CTNNA3: variants seen among roughly 807,000 people sequenced by gnomAD.
The protein encoded by CTNNA3 is catenin alpha 3, also known as catenin alpha-3.
Under a neutral mutation model 95.7 loss-of-function variants are expected in CTNNA3, and 76 were observed. The observed-to-expected ratio is 0.79, with a 90% confidence interval of 0.66 to 0.96. CTNNA3 has a LOEUF of 0.96. Ranked by LOEUF, CTNNA3 falls within the 40% of genes least tolerant of loss-of-function variation. The pLI is 0.00. For synonymous variants in CTNNA3, 431 were observed against 374.4 expected, an observed-to-expected ratio of 1.15 and a Z score of -1.74; for missense variants, 1,191 against 1,089.8, an observed-to-expected ratio of 1.09 and a Z score of -1.31.
chr10:66,990,716 T>C (rs1387852662), intron 7 of CTNNA3, among the ~76,000 whole-genome samples: 3 of 152,222 alleles, frequency 2.0e-5, no homozygotes, highest in Admixed American at 2.0e-4. Flanking sequence ...ACATTGAACC[T>C]GTTGAGATTC....
intron 5 of CTNNA3, among the ~76,000 whole-genome samples, chr10:67,455,117 T>C (rs1847123365): frequency 1.3e-5 from 2 of 152,178 alleles, no homozygotes; most frequent in African/African-American, 4.8e-5. Context: ...GATGATTCGA[T>C]TGTACTTTCT....
At chr10:67,595,303 A>G (rs1298644568) in intron 3 of CTNNA3, among the ~76,000 whole-genome samples, 1 of 152,112 alleles carries the variant, frequency 6.6e-6, no homozygotes, top group East Asian at 1.9e-4. Flanking sequence ...ACACTGCTTT[A>G]GCTGTGTCCC....
In CTNNA3 at chr10:67,612,747, C is replaced by G. The variant is rs553658507; in HGVS notation, c.100-5698G>C. On this transcript the variant is annotated intron_variant, in intron 2 of 17. Coordinates refer to ENST00000433211, the MANE Select transcript of CTNNA3 (RefSeq NM_013266.4). ...TACCTCAGTGGCTAACACCTCTAACCTGAAGCAGAAACCCAGAGGTCATCT... is the reference window on the plus strand; with the variant it reads ...TACCTCAGTGGCTAACACCTCTAACGTGAAGCAGAAACCCAGAGGTCATCT... Among the ~76,000 whole-genome samples the G allele has an allele frequency of 7.9e-5, 12 of 152,284 alleles. No homozygotes were observed. The East Asian group carries it at 1.9e-3, about 25-fold the overall frequency.
intron 13 of CTNNA3, among the ~76,000 whole-genome samples, chr10:66,222,541 A>G (rs1234082535): frequency 6.6e-6 from 1 of 151,878 alleles, no homozygotes; most frequent in African/African-American, 2.4e-5. Flanking sequence ...AGGGAGAGAA[A>G]GAAGAAAATA....
chr10:66,459,495 A>G (rs1198472022), intron 11 of CTNNA3, among the ~76,000 whole-genome samples: 1 of 152,164 alleles, frequency 6.6e-6, no homozygotes, highest in Non-Finnish European at 1.5e-5. Context: ...CACTGGCAAT[A>G]CCCAAGGGTT....
intron 5 of CTNNA3, among the ~76,000 whole-genome samples, chr10:67,399,727 C>T (rs946327267): frequency 6.6e-6 from 1 of 152,094 alleles, no homozygotes; most frequent in Non-Finnish European, 1.5e-5. Flanking sequence ...AGGTACTTAC[C>T]AAAGTTTGTC....
intron 7 of CTNNA3, among the ~76,000 whole-genome samples, chr10:67,113,932 A>C (rs1201510432): frequency 6.6e-6 from 1 of 152,062 alleles, no homozygotes. Flanking sequence ...TTTTTTAAAA[A>C]ATTAGCTGGG....
chr10:66,931,192 T>TTA (rs33993298), intron 7 of CTNNA3, among the ~76,000 whole-genome samples: 27 of 118,676 alleles, frequency 2.3e-4, no homozygotes, highest in African/African-American at 8.7e-4. Flanking sequence ...TGACAACAGT[T>TTA]AAAAAAAAAA....
At chr10:67,014,392 C>G (rs1327511486) in intron 7 of CTNNA3, among the ~76,000 whole-genome samples, 1 of 152,116 alleles carries the variant, frequency 6.6e-6, no homozygotes, top group Non-Finnish European at 1.5e-5. Context: ...AATTGTATAA[C>G]CTGTGAGATT....
chr10:67,679,634 T>C (rs1358578214), intron 1 of CTNNA3, among the ~76,000 whole-genome samples: 3 of 152,236 alleles, frequency 2.0e-5, no homozygotes, highest in Non-Finnish European at 4.4e-5. Context: ...GAGCCACTCA[T>C]AGTAAACTAA....
intron 15 of CTNNA3, among the ~76,000 whole-genome samples, chr10:66,048,571 T>A (rs2079879243): frequency 6.6e-6 from 1 of 152,020 alleles, no homozygotes; most frequent in Admixed American, 6.6e-5. Flanking sequence ...CCATCCTGGC[T>A]AACACGGCGA....
chr10:67,747,305 T>G (rs1371209165), intron 1 of CTNNA3, among the ~76,000 whole-genome samples: 1 of 152,204 alleles, frequency 6.6e-6, no homozygotes, highest in Non-Finnish European at 1.5e-5. Flanking sequence ...AAGTGGGTCC[T>G]GGATCCCATG....
intron 13 of CTNNA3, among the ~76,000 whole-genome samples, chr10:66,269,749 T>C (rs2132126006): frequency 6.6e-6 from 1 of 152,286 alleles, no homozygotes; most frequent in African/African-American, 2.4e-5. Context: ...GATCTTTTTT[T>C]CCCATAACCC....
At chr10:67,602,256 AT>A (rs1843107068) in intron 3 of CTNNA3, among the ~76,000 whole-genome samples, 1 of 151,620 alleles carries the variant, frequency 6.6e-6, no homozygotes, top group South Asian at 2.1e-4. Context: ...TGTAGAGTTT[AT>A]TGGATCAGAA....
intron 7 of CTNNA3, among the ~76,000 whole-genome samples, chr10:66,986,001 C>T (rs35828223): frequency 0.41 from 62,012 of 151,968 alleles, 13,244 homozygotes; most frequent in South Asian, 0.6. Context: ...GCTGGGATTA[C>T]AGGCGTGAGC....
intron 17 of CTNNA3, among the ~76,000 whole-genome samples, chr10:65,944,061 T>G (rs921581379): frequency 2.6e-5 from 4 of 152,236 alleles, no homozygotes; most frequent in Admixed American, 6.5e-5. Flanking sequence ...TCCCTAGGAA[T>G]TGTTGCTAAA....
chr10:66,812,113 G>T (rs1841903839), intron 7 of CTNNA3, among the ~76,000 whole-genome samples: 1 of 152,040 alleles, frequency 6.6e-6, no homozygotes, highest in Non-Finnish European at 1.5e-5. Context: ...ACCAACATGG[G>T]AAAATTCTCT....
chr10:67,232,939 T>C (rs1371917558), intron 5 of CTNNA3, among the ~76,000 whole-genome samples: 1 of 152,094 alleles, frequency 6.6e-6, no homozygotes, highest in Non-Finnish European at 1.5e-5. Flanking sequence ...GGTAAAGGGA[T>C]CAATTCAACA....
At chr10:66,147,787 T>TGTATGTATA (rs11282633) in intron 13 of CTNNA3, among the ~76,000 whole-genome samples, 149,043 of 149,662 alleles carry the variant, frequency 1, 74,216 homozygotes, top group Middle Eastern at 1. Context: ...ATGTATAGTA[T>TGTATGTATA]GTATGTATAG....
Sources: allele counts gnomAD v4.1 joint callset (sites outside exome capture counted in the v4.1 genomes callset), GRCh38; gene constraint gnomAD v4.1.1; transcripts MANE v1.5; gene names NCBI Gene and HGNC (gene_info 2026-07-23, HGNC 2026-07-21).